The following CSRNP3 variants were observed in gnomAD, a reference collection of about 807,000 sequenced individuals.
The protein encoded by CSRNP3 is cysteine and serine rich nuclear protein 3.
Under a neutral mutation model 48.0 loss-of-function variants are expected in CSRNP3, and 12 were observed. The observed-to-expected ratio is 0.25, with a 90% CI of 0.16 to 0.41. CSRNP3 has a LOEUF of 0.41. Ranked by LOEUF, CSRNP3 falls within the 10% of genes least tolerant of loss-of-function variation. The probability of loss-of-function intolerance (pLI) is 1.00; values close to 1 mark genes in which losing one functional copy is unlikely to be tolerated. For synonymous variants in CSRNP3, 263 were observed against 269.7 expected, an observed-to-expected ratio of 0.98 and a Z score of 0.24; for missense variants, 580 against 724.4, an observed-to-expected ratio of 0.80 and a Z score of 2.29.
At chr2:165,573,763 G>A (rs896006564) in intron 3 of CSRNP3, among the ~76,000 whole-genome samples, 1 of 151,980 alleles carries the variant, frequency 6.6e-6, no homozygotes, top group Non-Finnish European at 1.5e-5. Flanking sequence ...ATAAATTTAC[G>A]CCTGTAAGAT....
In CSRNP3 at chr2:165,669,944, A is replaced by C. The variant is rs989613926; in HGVS notation, c.409-6368A>C. ...TAAAGATGATTAAGTCAAATCATAA[A>C]TTAAGTCAGTATTCATCACCTGTAA... is the stretch of plus-strand genomic sequence containing the variant. On this transcript the variant is annotated intron_variant, in intron 5 of 6. Coordinates refer to ENST00000651982, the MANE Select transcript of CSRNP3 (RefSeq NM_001172173.2). 6.6e-5 allele frequency among the ~76,000 whole-genome samples: 10 copies of C among 152,232 alleles called. No homozygotes were observed. In the South Asian group the frequency reaches 2.1e-3, roughly 31 times the overall value.
intron 2 of CSRNP3, among the ~76,000 whole-genome samples, chr2:165,496,393 T>C (rs1684284057): frequency 2.0e-5 from 3 of 152,062 alleles, no homozygotes; most frequent in African/African-American, 7.2e-5. Flanking sequence ...GGCACTGATA[T>C]TGCCTTTCCT....
intron 5 of CSRNP3, among the ~76,000 whole-genome samples, chr2:165,664,050 C>T (rs1242312077): frequency 6.6e-6 from 1 of 152,076 alleles, no homozygotes. Flanking sequence ...TTCCAGGGTC[C>T]TATTGTGACT....
chr2:165,678,781 C>A lies in CSRNP3; in HGVS notation c.786C>A (p.Ile262=). The stretch of plus-strand genomic sequence containing the variant: ...CAGGTAGAATTGAATTTAATCCTAT[C>A]CGTGTTCGGACTCACTTTTTGCACA... ...NTAGRIEFNP[I]RVRTHFLHTI... Residue 262 remains isoleucine (I), a synonymous_variant, in exon 7 of 7, where the codon ATC becomes ATA. Coordinates refer to ENST00000651982, the MANE Select transcript of CSRNP3 (RefSeq NM_001172173.2). The A allele has an allele frequency of 1.1e-5, 17 of 1,614,082 alleles. No individual in the cohort carries two copies. The highest frequency in any genetic ancestry group is 1.4e-5 in the Non-Finnish European group (16 of 1,179,996).
At chr2:165,549,717 A>AT (rs1045414318) in intron 3 of CSRNP3, among the ~76,000 whole-genome samples, 1 of 152,074 alleles carries the variant, frequency 6.6e-6, no homozygotes, top group Non-Finnish European at 1.5e-5. Context: ...TAAAGACCAT[A>AT]TTTTTTCTAC....
chr2:165,492,260 C>CT (rs1448463866), intron 1 of CSRNP3, among the ~76,000 whole-genome samples: 13 of 152,262 alleles, frequency 8.5e-5, no homozygotes, highest in Admixed American at 2.6e-4. Flanking sequence ...TGAGTTGTCC[C>CT]TTTAAAATGT....
chr2:165,495,099 T>A (rs1295800793), intron 2 of CSRNP3, among the ~76,000 whole-genome samples, 171 bp downstream of exon 2: 1 of 152,108 alleles, frequency 6.6e-6, no homozygotes, highest in Non-Finnish European at 1.5e-5. Flanking sequence ...GCAGTATACT[T>A]CTTCTCATTT....
At chr2:165,557,611 C>G (rs114694098) in intron 3 of CSRNP3, among the ~76,000 whole-genome samples, 3 of 152,178 alleles carry the variant, frequency 2.0e-5, no homozygotes, top group Admixed American at 6.5e-5. Context: ...GAGCTCCCCC[C>G]ACAACCATAT....
At chr2:165,491,174 A>G (rs1366942099) in intron 1 of CSRNP3, among the ~76,000 whole-genome samples, 2 of 68,808 alleles carry the variant, frequency 2.9e-5, no homozygotes, top group South Asian at 6.3e-4. Flanking sequence ...GAAGACATTT[A>G]TGCAGCCAAA....
rs1438824881 is a variant in CSRNP3 at position 165,684,033 on chromosome 2, C to G, written c.*4280C>G. 1.3e-5 allele frequency: 2 copies of G among 152,090 alleles called. No individual in the cohort carries two copies. The highest frequency in any genetic ancestry group is 4.8e-5 in the African/African-American group (2 of 41,438). The allele number at this position is 152,090 out of a possible 1,614,324, so 9.4% of individuals were successfully genotyped here. A position where few individuals can be genotyped will look rare whatever the true frequency, so the allele number is the denominator to read the frequency against. ...CTATATAAGTGATGCTAAATTTACACCAGCAAACTCCTATCAGACAGTTTC... is the reference window on the plus strand; with the variant it reads ...CTATATAAGTGATGCTAAATTTACAGCAGCAAACTCCTATCAGACAGTTTC... On this transcript the variant is annotated 3_prime_UTR_variant, in exon 7 of 7. Coordinates refer to ENST00000651982, the MANE Select transcript of CSRNP3 (RefSeq NM_001172173.2).
At chr2:165,678,119 A>G (rs1205064527) in intron 6 of CSRNP3, among the ~76,000 whole-genome samples, 2 of 152,212 alleles carry the variant, frequency 1.3e-5, no homozygotes, top group Non-Finnish European at 2.9e-5. Flanking sequence ...GAAGGTAAGC[A>G]AATGAGAGCA....
In CSRNP3 at chr2:165,668,262, C is replaced by G. The variant is rs1195916822; in HGVS notation, c.409-8050C>G. ...TCTGATGTCCTCTCCATTAGAAAGG[C>G]CACCTCCACATGCCCAAAAAGTAGG... On this transcript the variant is annotated intron_variant, in intron 5 of 6. Coordinates refer to ENST00000651982, the MANE Select transcript of CSRNP3 (RefSeq NM_001172173.2). Among the ~76,000 whole-genome samples, 21 of 152,118 alleles carry G rather than the reference C, an allele frequency of 1.4e-4. 1 individual carries two copies. The highest frequency in any genetic ancestry group is 2.9e-5 in the Non-Finnish European group (2 of 68,026).
intron 4 of CSRNP3, among the ~76,000 whole-genome samples, chr2:165,642,441 A>G (rs1432396233): frequency 6.6e-6 from 1 of 152,214 alleles, no homozygotes; most frequent in Non-Finnish European, 1.5e-5. Flanking sequence ...TTCACATACT[A>G]TATGATAGCT....
chr2:165,656,166 C>G (rs962964920), intron 4 of CSRNP3, among the ~76,000 whole-genome samples: 1 of 152,206 alleles, frequency 6.6e-6, no homozygotes, highest in African/African-American at 2.4e-5. Context: ...GAATTAGGAG[C>G]TTTTAGGTTT....
chr2:165,556,264 G>A (rs1049135657), intron 3 of CSRNP3, among the ~76,000 whole-genome samples: 2 of 152,148 alleles, frequency 1.3e-5, no homozygotes, highest in African/African-American at 4.8e-5. Context: ...ACTAAGATAG[G>A]AGATGCAAGA....
In CSRNP3 at chr2:165,684,404, T is replaced by C. The variant is rs77939211; in HGVS notation, c.*4651T>C. ...ATGGCATCTCTGTTCCTTATTCTCT[T>C]GATGACAGTTTGCAGTGCCATTATA... On this transcript the variant is annotated 3_prime_UTR_variant, in exon 7 of 7. Coordinates refer to ENST00000651982, the MANE Select transcript of CSRNP3 (RefSeq NM_001172173.2). 303 of 152,220 alleles carry C rather than the reference T, an allele frequency of 2.0e-3. 1 individual carries two copies. Among genetic ancestry groups the C allele is most frequent in the African/African-American group, 7.0e-3 (292 of 41,566 alleles). The allele number at this position is 152,220 out of a possible 1,614,324, so 9.4% of individuals were successfully genotyped here. A position where few individuals can be genotyped will look rare whatever the true frequency, so the allele number is the denominator to read the frequency against.
intron 1 of CSRNP3, among the ~76,000 whole-genome samples, chr2:165,478,401 TG>T (rs1683997473): frequency 6.6e-6 from 1 of 152,342 alleles, no homozygotes. Flanking sequence ...CTCTCCCCCA[TG>T]TTGTGCTTTT....
intron 4 of CSRNP3, among the ~76,000 whole-genome samples, chr2:165,644,322 TAAAG>T (rs1686776450): frequency 6.6e-6 from 1 of 152,062 alleles, no homozygotes; most frequent in Non-Finnish European, 1.5e-5. Context: ...GGAAAACAGG[TAAAG>T]TGACTAGAAA....
At chr2:165,492,928 A>G (rs558298633) in intron 1 of CSRNP3, among the ~76,000 whole-genome samples, 3 of 142,992 alleles carry the variant, frequency 2.1e-5, no homozygotes, top group South Asian at 2.2e-4. Flanking sequence ...TGATACTCAA[A>G]TTCCCTAAAA....
Sources: gnomAD v4.1 joint callset for allele counts (sites outside exome capture counted in the v4.1 genomes callset) on GRCh38, gnomAD v4.1.1 for gene constraint, MANE v1.5 for transcripts, NCBI Gene and HGNC (gene_info 2026-07-23, HGNC 2026-07-21) for gene names.